ADAMTS19: variants seen among roughly 807,000 people sequenced by gnomAD.
ADAMTS19 encodes the protein A disintegrin and metalloproteinase with thrombospondin motifs 19.
In ADAMTS19, 93 loss-of-function variants were observed where a neutral mutation model predicts 153.3. The observed-to-expected ratio is 0.61, with a 90% CI of 0.51 to 0.72. ADAMTS19 has a LOEUF of 0.72. Among genes scored for constraint, ADAMTS19 ranks in the 30% least tolerant of loss-of-function variants. The probability of loss-of-function intolerance (pLI) is 0.00; values close to 1 mark genes in which losing one functional copy is unlikely to be tolerated. For synonymous variants in ADAMTS19, 600 were observed against 556.6 expected, an observed-to-expected ratio of 1.08 and a Z score of -1.10; for missense variants, 1,482 against 1,552.1, an observed-to-expected ratio of 0.95 and a Z score of 0.76.
At chr5:129,694,973 T>A in intron 19 of ADAMTS19, 118 bp downstream of exon 19, 2 of 1,208,298 alleles carry the variant, frequency 1.7e-6, no homozygotes, top group African/African-American at 1.6e-5. Flanking sequence ...AAAGGATACG[T>A]ACCAAAATTT....
At chr5:129,464,201 T>C (rs2126637776) in intron 2 of ADAMTS19, among the ~76,000 whole-genome samples, 1 of 152,334 alleles carries the variant, frequency 6.6e-6, no homozygotes, top group African/African-American at 2.4e-5. Flanking sequence ...GAAATGATCT[T>C]AAAATGTCTA....
intron 10 of ADAMTS19, among the ~76,000 whole-genome samples, chr5:129,626,619 C>T (rs571451995): frequency 2.0e-5 from 3 of 151,926 alleles, no homozygotes; most frequent in African/African-American, 4.8e-5. Flanking sequence ...AGTGTAGTAA[C>T]CTAATAGACG....
At chr5:129,701,294 T>C (rs1308691376) in intron 19 of ADAMTS19, 94 bp from the exon 20 acceptor site, 1 of 1,423,742 alleles carries the variant, frequency 7.0e-7, no homozygotes, top group Non-Finnish European at 9.8e-7. Context: ...TTGCCCAGTC[T>C]TGGGTATGTC....
At chr5:129,601,426 T>C (rs1216819231) in intron 8 of ADAMTS19, among the ~76,000 whole-genome samples, 1 of 152,150 alleles carries the variant, frequency 6.6e-6, no homozygotes, top group East Asian at 1.9e-4. Context: ...GTTGTTAAAG[T>C]AAGGGATTTT....
At chr5:129,665,782 T>C (rs1353944730) in intron 16 of ADAMTS19, among the ~76,000 whole-genome samples, 1 of 151,986 alleles carries the variant, frequency 6.6e-6, no homozygotes, top group Non-Finnish European at 1.5e-5. Flanking sequence ...GTTGTCTGTA[T>C]GTTTTTGAGG....
At chr5:129,627,669 C>A (rs1476661912) in intron 10 of ADAMTS19, among the ~76,000 whole-genome samples, 1 of 151,890 alleles carries the variant, frequency 6.6e-6, no homozygotes, top group Non-Finnish European at 1.5e-5. Flanking sequence ...AAAAGACATG[C>A]AGCCAACAAG....
chr5:129,476,059 T>G (rs1223286271), intron 2 of ADAMTS19, among the ~76,000 whole-genome samples: 1 of 152,078 alleles, frequency 6.6e-6, no homozygotes, highest in African/African-American at 2.4e-5. Context: ...TACTAGAGAA[T>G]TGGTAGGGTG....
intron 6 of ADAMTS19, among the ~76,000 whole-genome samples, chr5:129,541,071 A>G (rs1164984435): frequency 6.6e-6 from 1 of 152,086 alleles, no homozygotes; most frequent in Non-Finnish European, 1.5e-5. Flanking sequence ...AGAACTGAAG[A>G]TTAAGAATTA....
intron 2 of ADAMTS19, among the ~76,000 whole-genome samples, chr5:129,489,871 G>T (rs2126687380): frequency 1.3e-5 from 2 of 152,210 alleles, no homozygotes; most frequent in South Asian, 4.1e-4. Flanking sequence ...ACAGTATCTG[G>T]CATCATTGCA....
intron 7 of ADAMTS19, among the ~76,000 whole-genome samples, chr5:129,553,422 A>G (rs1182455711): frequency 6.6e-6 from 1 of 152,310 alleles, no homozygotes; most frequent in East Asian, 1.9e-4. Context: ...CTTATTTTCT[A>G]ATTTAAAACA....
chr5:129,617,707 A>C (rs928289671), intron 8 of ADAMTS19, among the ~76,000 whole-genome samples: 1 of 152,038 alleles, frequency 6.6e-6, no homozygotes, highest in Non-Finnish European at 1.5e-5. Context: ...AGTTAGAATT[A>C]CATTAAGCCA....
At chr5:129,736,465 A>G (rs1757671350) in intron 22 of ADAMTS19, among the ~76,000 whole-genome samples, 1 of 152,112 alleles carries the variant, frequency 6.6e-6, no homozygotes, top group African/African-American at 2.4e-5. Context: ...CCAAGTCTAC[A>G]TGACCAAATA....
intron 2 of ADAMTS19, among the ~76,000 whole-genome samples, chr5:129,484,789 G>C (rs926337154): frequency 5.3e-5 from 8 of 152,034 alleles, no homozygotes; most frequent in Admixed American, 1.3e-4. Context: ...ATTTTGGCTT[G>C]TGAAGATATA....
At chr5:129,514,561 G>T in intron 3 of ADAMTS19, among the ~76,000 whole-genome samples, 1 of 151,708 alleles carries the variant, frequency 6.6e-6, no homozygotes, top group African/African-American at 2.4e-5. Flanking sequence ...ACCTTTTCAT[G>T]TGCCTATTTG....
intron 16 of ADAMTS19, among the ~76,000 whole-genome samples, chr5:129,671,638 C>A (rs1754303976): frequency 6.6e-6 from 1 of 152,096 alleles, no homozygotes; most frequent in Non-Finnish European, 1.5e-5. Context: ...TAATCCCTTC[C>A]CAATACAATT....
intron 21 of ADAMTS19, among the ~76,000 whole-genome samples, chr5:129,710,298 G>A (rs1756383806): frequency 6.6e-6 from 1 of 152,138 alleles, no homozygotes; most frequent in Non-Finnish European, 1.5e-5. Context: ...TAAAAGACAT[G>A]ATCTCATTCC....
intron 20 of ADAMTS19, among the ~76,000 whole-genome samples, chr5:129,702,941 A>AAAAAAAATATATATATAT: frequency 3.4e-5 from 1 of 29,306 alleles, no homozygotes; most frequent in African/African-American, 8.5e-5. Flanking sequence ...AAAAAAAAAA[A>AAAAAAAATATATATATAT]ATATATATAT....
chr5:129,494,479 C>T (rs1222981757), intron 2 of ADAMTS19, among the ~76,000 whole-genome samples: 1 of 152,184 alleles, frequency 6.6e-6, no homozygotes, highest in East Asian at 1.9e-4. Context: ...CTTTTCTTCT[C>T]TGTCTACAGT....
chr5:129,539,842 T>C (rs1324248175), intron 6 of ADAMTS19, among the ~76,000 whole-genome samples: 1 of 151,958 alleles, frequency 6.6e-6, no homozygotes, highest in Non-Finnish European at 1.5e-5. Flanking sequence ...TTTACTCACT[T>C]GTGGGACAAG....
Sources: gnomAD v4.1 joint callset for allele counts (sites outside exome capture counted in the v4.1 genomes callset) on GRCh38, gnomAD v4.1.1 for gene constraint, MANE v1.5 for transcripts, NCBI Gene and HGNC (gene_info 2026-07-23, HGNC 2026-07-21) for gene names.